Variants in CLEC1A observed in about 807,000 individuals in gnomAD.
The protein encoded by CLEC1A is C-type lectin domain family 1 member A, also known as C-type lectin-like receptor-1.
In CLEC1A, 34 loss-of-function variants were observed where a neutral mutation model predicts 28.7. The observed-to-expected ratio is 1.18, with a 90% confidence interval of 0.90 to 1.57. The LOEUF is 1.57. CLEC1A is among the 40% of genes most tolerant of loss of function. CLEC1A has a pLI of 0.00. For synonymous variants in CLEC1A, 116 were observed against 121.0 expected (o/e 0.96, Z 0.27); for missense variants, 385 against 339.5 (o/e 1.13, Z -1.05).
intron 1 of CLEC1A, among the ~76,000 whole-genome samples, chr12:10,094,522 T>C (rs952840586): frequency 6.6e-6 from 1 of 151,832 alleles, no homozygotes; most frequent in Non-Finnish European, 1.5e-5. Flanking sequence ...ATACACATTA[T>C]TTCACTGGAA....
At chr12:10,097,849 C>T (rs1445084765) in intron 1 of CLEC1A, among the ~76,000 whole-genome samples, 2 of 122,004 alleles carry the variant, frequency 1.6e-5, no homozygotes, top group Non-Finnish European at 3.2e-5. Flanking sequence ...ACTTTTGTCA[C>T]TTAGCTTCAT....
At chr12:10,073,835 GA>G (rs1212611961) in intron 4 of CLEC1A, among the ~76,000 whole-genome samples, 2 of 151,968 alleles carry the variant, frequency 1.3e-5, no homozygotes, top group Admixed American at 6.6e-5. Flanking sequence ...GGGAAAGGAA[GA>G]AAAAAAGTAA....
chr12:10,089,073 T>C (rs367773057), intron 2 of CLEC1A, 51 bp downstream of exon 2: 42 of 1,379,658 alleles, frequency 3.0e-5, no homozygotes, highest in Admixed American at 3.0e-4. Context: ...TTTCTCATCC[T>C]AGACAAACCT....
chr12:10,080,827 T>C (rs949195688), intron 3 of CLEC1A, among the ~76,000 whole-genome samples: 4 of 152,226 alleles, frequency 2.6e-5, no homozygotes, highest in African/African-American at 9.6e-5. Context: ...TTGAATTTGA[T>C]TCAGGTTATC....
At chr12:10,077,248 C>A (rs545728832) in intron 3 of CLEC1A, among the ~76,000 whole-genome samples, 1 of 152,084 alleles carries the variant, frequency 6.6e-6, no homozygotes, top group African/African-American at 2.4e-5. Flanking sequence ...ATTTGATATA[C>A]TATTACTTAA....
At position 10,082,965 on chromosome 12, in the gene CLEC1A, C is replaced by A. The variant is rs557129520; in HGVS notation, c.215-1552G>T. Among the ~76,000 whole-genome samples the A allele has an allele frequency of 2.0e-5, 3 of 152,370 alleles. No homozygotes were observed. In the East Asian group the frequency reaches 5.8e-4, roughly 29 times the overall value. ...AAGGACTCTCACACAGTCTGCTTCACCTCCTTGCCAACTTCACCAGAGCAG... is the reference window on the plus strand; with the variant it reads ...AAGGACTCTCACACAGTCTGCTTCAACTCCTTGCCAACTTCACCAGAGCAG... On this transcript the variant is annotated intron_variant, in intron 2 of 5. Transcript: ENST00000315330.
chr12:10,098,657 G>GAA (rs10706436), intron 1 of CLEC1A, 151 bp downstream of exon 1: 2 of 473,638 alleles, frequency 4.2e-6, no homozygotes, highest in South Asian at 3.1e-5. Flanking sequence ...GAATATAACT[G>GAA]AAAAAAAAAA....
chr12:10,096,046 T>C (rs2137376572), intron 1 of CLEC1A, among the ~76,000 whole-genome samples: 1 of 152,288 alleles, frequency 6.6e-6, no homozygotes, highest in Middle Eastern at 3.4e-3. Flanking sequence ...TACTAGCCAT[T>C]TATTTGACTT....
intron 3 of CLEC1A, among the ~76,000 whole-genome samples, chr12:10,079,726 C>T (rs143450198): frequency 0.012 from 1,857 of 151,384 alleles, 17 homozygotes; most frequent in Middle Eastern, 0.024. Context: ...AGAGGAGATA[C>T]GAGAATCACT....
rs187054397 is a variant in CLEC1A, at chr12:10,092,755, A to G, written c.116-3533T>C. On this transcript the variant is annotated intron_variant, in intron 1 of 5. Coordinates refer to ENST00000315330, the MANE Select transcript of CLEC1A (RefSeq NM_016511.4). ...AATTATATTCATGAAAAGAAAAAAA[A>G]TACATGATCCTTCCTAAGATTGCCT... Among the ~76,000 whole-genome samples the G allele has an allele frequency of 1.8e-3, 267 of 152,302 alleles. 2 individuals are homozygous for G. Among genetic ancestry groups the G allele is most frequent in the African/African-American group, 6.3e-3 (261 of 41,558 alleles).
intron 1 of CLEC1A, 119 bp from the exon 2 acceptor site, chr12:10,089,341 A>G: frequency 1.3e-6 from 1 of 755,780 alleles, no homozygotes; most frequent in Non-Finnish European, 2.2e-6. Context: ...GGACAACGGT[A>G]ACAGGGGCTG....
chr12:10,082,581 G>C (rs1866394964), intron 2 of CLEC1A, among the ~76,000 whole-genome samples: 3 of 152,036 alleles, frequency 2.0e-5, no homozygotes, highest in Admixed American at 6.6e-5. Context: ...ATGCACCCTG[G>C]TACCCAAACA....
At position 10,075,566 on chromosome 12, in the gene CLEC1A, A is replaced by T. The variant is rs141650672; in HGVS notation, c.481T>A (p.Cys161Ser). 2.8e-4 allele frequency: 455 copies of T among 1,613,880 alleles called. No individual in the cohort carries two copies. The highest frequency in any genetic ancestry group is 3.7e-4 in the Non-Finnish European group (432 of 1,179,910). The change falls in exon 4 of 6, where the codon TGT becomes AGT. Residue 161 changes from cysteine (C) to serine (S), a missense_variant. Coordinates refer to ENST00000315330, the MANE Select transcript of CLEC1A (RefSeq NM_016511.4). ...FYKDSKSWED[C>S]KYFCLSENST... Reference sequence around the variant, plus strand: ...TTTTCACTAAGGCAGAAATATTTACAGTCCTCCCAACTTTTGCTGTCTTTA... The same window carrying T: ...TTTTCACTAAGGCAGAAATATTTACTGTCCTCCCAACTTTTGCTGTCTTTA...
intron 2 of CLEC1A, among the ~76,000 whole-genome samples, chr12:10,082,122 GTAA>G (rs1866385534): frequency 6.6e-6 from 1 of 152,156 alleles, no homozygotes; most frequent in Non-Finnish European, 1.5e-5. Flanking sequence ...AATGAATTTT[GTAA>G]TAATTTCAAC....
chr12:10,081,457 T>C, intron 2 of CLEC1A, 44 bp from the exon 3 acceptor site: 1 of 1,476,298 alleles, frequency 6.8e-7, no homozygotes, highest in Non-Finnish European at 9.1e-7. Context: ...TATTTCTATG[T>C]TTTATTTCCA....
At chr12:10,080,907 T>A (rs1304809937) in intron 3 of CLEC1A, among the ~76,000 whole-genome samples, 1 of 152,252 alleles carries the variant, frequency 6.6e-6, no homozygotes, top group African/African-American at 2.4e-5. Context: ...TGCTTACTTC[T>A]TACTAGGAAA....
At position 10,075,551 on chromosome 12, in the gene CLEC1A, G is replaced by C; in HGVS notation, c.496C>G (p.Leu166Val). Residue 166 changes from leucine to valine, a missense_variant, in exon 4 of 6, where the codon CTT becomes GTT. Leu to Val is a conservative substitution (Grantham distance 32). Transcript: ENST00000315330. ...KSWEDCKYFC[L>V]SENSTMLKIN... The stretch of plus-strand genomic sequence containing the variant: ...TTCAGCATGGTAGAGTTTTCACTAA[G>C]GCAGAAATATTTACAGTCCTCCCAA... The C allele has an allele frequency of 6.2e-7, 1 of 1,613,904 alleles. No homozygotes were observed. The highest frequency in any genetic ancestry group is 1.1e-5 in the South Asian group (1 of 91,068).
chr12:10,086,890 T>G (rs1866504383), intron 2 of CLEC1A, among the ~76,000 whole-genome samples: 1 of 152,002 alleles, frequency 6.6e-6, no homozygotes, highest in South Asian at 2.1e-4. Context: ...TGAACACTGA[T>G]GCAAAAATCA....
intron 5 of CLEC1A, among the ~76,000 whole-genome samples, chr12:10,072,636 C>CTCTG: frequency 7.2e-6 from 1 of 138,834 alleles, no homozygotes; most frequent in East Asian, 2.0e-4. Context: ...AGGGAAAGAT[C>CTCTG]TCTCTCTCTC....
Sources: allele counts gnomAD v4.1 joint callset (sites outside exome capture counted in the v4.1 genomes callset), GRCh38; gene constraint gnomAD v4.1.1; transcripts MANE v1.5; gene names NCBI Gene and HGNC (gene_info 2026-07-23, HGNC 2026-07-21).